DIAPH2: variants seen among roughly 807,000 people sequenced by gnomAD.
DIAPH2 encodes protein diaphanous homolog 2.
In DIAPH2, 35 loss-of-function variants were observed where a neutral mutation model predicts 92.7. The observed-to-expected ratio is 0.38, with a 90% confidence interval of 0.29 to 0.50. The LOEUF (loss-of-function observed/expected upper bound fraction) is 0.50, where lower values mean the gene tolerates loss of function less well. Ranked by LOEUF, DIAPH2 falls within the 20% of genes least tolerant of loss-of-function variation. The pLI, the probability that DIAPH2 is intolerant of heterozygous loss-of-function variation, is 0.94. For synonymous variants in DIAPH2, 301 were observed against 280.4 expected (o/e 1.07, Z -0.73); for missense variants, 701 against 819.5 (o/e 0.86, Z 1.77).
chrX:96,707,224 AGTGGC>A (rs2063890815), intron 1 of DIAPH2, among the ~76,000 whole-genome samples: 1 of 109,682 alleles, frequency 9.1e-6, no homozygotes, highest in Non-Finnish European at 1.9e-5. Context: ...GCTGGAGTGC[AGTGGC>A]GTGATCTCGG....
chrX:97,526,356 G>C (rs919820639), intron 26 of DIAPH2, among the ~76,000 whole-genome samples: 25 of 110,321 alleles, frequency 2.3e-4, no homozygotes, highest in African/African-American at 7.6e-4. Flanking sequence ...CCAAACTGAA[G>C]GGCAAAAATG....
intron 26 of DIAPH2, among the ~76,000 whole-genome samples, chrX:97,463,274 C>CTTTTTT (rs34254892): frequency 1.1e-5 from 1 of 92,297 alleles, no homozygotes; most frequent in Non-Finnish European, 2.1e-5. Context: ...TATCTGAATC[C>CTTTTTT]TTTTTTTTTT....
rs767528085 is a variant in DIAPH2 at position 97,282,846 on chromosome X, C to T, written c.2844+35007C>T. ...TTTGTTTCTCCCTTACCAAAATGCT[C>T]TTTTCAGTATTACACAAGAAAAAGA... On this transcript the variant is annotated intron_variant, in intron 23 of 26. Transcript: ENST00000324765. Among the ~76,000 whole-genome samples the T allele has an allele frequency of 3.6e-5, 4 of 111,748 alleles. No homozygotes were observed. The South Asian group carries it at 1.5e-3, about 42-fold the overall frequency.
intron 4 of DIAPH2, among the ~76,000 whole-genome samples, chrX:96,795,506 A>G (rs1001316000): frequency 2.7e-5 from 3 of 111,497 alleles, no homozygotes; most frequent in Admixed American, 9.6e-5. Context: ...TTTAAAAACT[A>G]TTTTCTGTCT....
At chrX:96,755,946 C>T (rs2064226020) in intron 3 of DIAPH2, among the ~76,000 whole-genome samples, 1 of 108,908 alleles carries the variant, frequency 9.2e-6, no homozygotes, top group Non-Finnish European at 1.9e-5. Context: ...TCACTGCAAC[C>T]TCTACCTCCT....
chrX:96,855,863 T>C (rs1026286803), intron 4 of DIAPH2, among the ~76,000 whole-genome samples: 4 of 111,472 alleles, frequency 3.6e-5, no homozygotes, highest in African/African-American at 1.3e-4. Flanking sequence ...TATTTAAACA[T>C]TGTGAGCTTT....
intron 17 of DIAPH2, among the ~76,000 whole-genome samples, chrX:97,062,265 G>A (rs1015521002): frequency 8.9e-6 from 1 of 112,050 alleles, no homozygotes; most frequent in African/African-American, 3.2e-5. Context: ...ATTATAAAGA[G>A]GGCTTTCATG....
At chrX:97,263,378 A>G (rs1273676485) in intron 23 of DIAPH2, among the ~76,000 whole-genome samples, 1 of 111,442 alleles carries the variant, frequency 9.0e-6, no homozygotes, top group Non-Finnish European at 1.9e-5. Flanking sequence ...GTTTATAGAT[A>G]ACCAGGATTT....
chrX:96,716,911 C>T (rs1187372310), intron 1 of DIAPH2, among the ~76,000 whole-genome samples: 2 of 111,657 alleles, frequency 1.8e-5, no homozygotes, highest in African/African-American at 6.5e-5. Context: ...CCTAAGGTGA[C>T]AGCGAAGGTC....
chrX:97,091,763 A>G (rs2066827235), intron 19 of DIAPH2, among the ~76,000 whole-genome samples: 1 of 111,929 alleles, frequency 8.9e-6, no homozygotes, highest in South Asian at 3.7e-4. Flanking sequence ...CTAAATTGAC[A>G]TTCCCTGGGA....
rs111997915 is a variant in DIAPH2, at chrX:97,108,566, A to C, written c.2350-6160A>C. Among the ~76,000 whole-genome samples, 802 of 111,244 alleles carry C rather than the reference A, an allele frequency of 7.2e-3. 12 individuals carry two copies. The highest frequency in any genetic ancestry group is 0.025 in the African/African-American group (767 of 30,551). Reference sequence around the variant, plus strand: ...ATCCAAATCCTCTGATGGAGTTGCAACTGTTTCTATCAGTGTACACTGGTC... The same window carrying C: ...ATCCAAATCCTCTGATGGAGTTGCACCTGTTTCTATCAGTGTACACTGGTC... On this transcript the variant is annotated intron_variant, in intron 20 of 26. Coordinates refer to ENST00000324765, the MANE Select transcript of DIAPH2 (RefSeq NM_006729.5).
intron 4 of DIAPH2, among the ~76,000 whole-genome samples, chrX:96,791,277 C>G (rs1289525470): frequency 8.9e-6 from 1 of 112,168 alleles, no homozygotes; most frequent in African/African-American, 3.2e-5. Context: ...ATTAATATTT[C>G]TGAGATTAAT....
intron 1 of DIAPH2, among the ~76,000 whole-genome samples, chrX:96,714,384 C>G (rs1398437733): frequency 9.2e-6 from 1 of 109,106 alleles, no homozygotes; most frequent in African/African-American, 3.3e-5. Context: ...TCTGCCTCAG[C>G]CTCCCGAGTA....
intron 4 of DIAPH2, among the ~76,000 whole-genome samples, chrX:96,819,023 A>C: frequency 8.9e-6 from 1 of 112,605 alleles, no homozygotes; most frequent in Middle Eastern, 4.6e-3. Context: ...TTATGCTCCT[A>C]TGAGAATCTA....
At chrX:97,438,355 GTTTGTTTTTTTT>G (rs1363097643) in intron 26 of DIAPH2, among the ~76,000 whole-genome samples, 58 of 41,823 alleles carry the variant, frequency 1.4e-3, no homozygotes, top group African/African-American at 4.9e-3. Flanking sequence ...TTTTTTGTTT[GTTTGTTTTTTTT>G]TTTTTTTTTT....
intron 22 of DIAPH2, among the ~76,000 whole-genome samples, chrX:97,191,338 GA>G (rs375630265): frequency 0.036 from 3,697 of 101,939 alleles, 179 homozygotes; most frequent in African/African-American, 0.12. Context: ...AAAAAAAAAA[GA>G]AAAAAAAAAG....
At chrX:96,984,221 C>G (rs1027844990) in intron 17 of DIAPH2, among the ~76,000 whole-genome samples, 3 of 111,524 alleles carry the variant, frequency 2.7e-5, no homozygotes, top group Non-Finnish European at 5.7e-5. Context: ...TAGCTCAGAT[C>G]TATTTATGTT....
intron 25 of DIAPH2, among the ~76,000 whole-genome samples, chrX:97,386,158 A>G (rs1213096540): frequency 1.8e-5 from 2 of 112,135 alleles, no homozygotes; most frequent in African/African-American, 6.5e-5. Flanking sequence ...CAGGAAACAA[A>G]TATAACATTT....
intron 26 of DIAPH2, among the ~76,000 whole-genome samples, chrX:97,546,814 C>A (rs763267065): frequency 9.2e-6 from 1 of 108,776 alleles, no homozygotes; most frequent in African/African-American, 3.3e-5. Context: ...CCAGCCTCGG[C>A]GACAGAGTGA....
Sources: allele counts gnomAD v4.1 joint callset (sites outside exome capture counted in the v4.1 genomes callset), GRCh38; gene constraint gnomAD v4.1.1; transcripts MANE v1.5; gene names NCBI Gene and HGNC (gene_info 2026-07-23, HGNC 2026-07-21).